The following ZNF471 variants were observed in gnomAD, a reference collection of about 807,000 sequenced individuals.
ZNF471 encodes zinc finger protein 471.
Under a neutral mutation model 13.7 loss-of-function variants are expected in ZNF471, and 7 were observed. That is an observed-to-expected ratio of 0.51 (90% CI 0.29 to 0.96). The LOEUF (loss-of-function observed/expected upper bound fraction) is 0.96, where lower values mean the gene tolerates loss of function less well. Among genes scored for constraint, ZNF471 ranks in the 40% least tolerant of loss-of-function variants. The pLI, the probability that ZNF471 is intolerant of heterozygous loss-of-function variation, is 0.08. For missense variants in ZNF471, 663 were observed against 743.3 expected, an observed-to-expected ratio of 0.89 and a Z score of 1.26; for synonymous variants, 218 against 235.6, an observed-to-expected ratio of 0.93 and a Z score of 0.68.
At chr19:56,513,830 C>T (rs1449049694) in intron 2 of ZNF471, among the ~76,000 whole-genome samples, 1 of 151,900 alleles carries the variant, frequency 6.6e-6, no homozygotes, top group Non-Finnish European at 1.5e-5. Context: ...ATGTCCTCCT[C>T]TTGAGAAGGT....
chr19:56,526,164 C>T lies in ZNF471; in HGVS notation c.*216C>T, dbSNP rs2044044166. On this transcript the variant is annotated 3_prime_UTR_variant, in exon 5 of 5. Coordinates refer to ENST00000308031, the MANE Select transcript of ZNF471 (RefSeq NM_020813.4). Reference sequence around the variant, plus strand: ...GCTTTCTGTATTTCCAGCTGAGGTACCTGGCTCATCTCATTGGGACTGGTT... The same window carrying T: ...GCTTTCTGTATTTCCAGCTGAGGTATCTGGCTCATCTCATTGGGACTGGTT... The T allele has an allele frequency of 8.0e-6, 4 of 501,060 alleles. No homozygotes were observed. Among genetic ancestry groups the T allele is most frequent in the Middle Eastern group, 1.0e-3 (2 of 1,910 alleles). 31.0% of individuals were successfully genotyped at this position (501,060 alleles called of 1,614,324 possible). A position where few individuals can be genotyped will look rare whatever the true frequency, so the allele number is the denominator to read the frequency against.
rs758777065 is a variant in ZNF471 at position 56,525,432 on chromosome 19, AGAGAAACCGTATGAATGCAAGGAATGT to A, written c.1367_1393del (p.Glu456_Cys464del). The stretch of plus-strand genomic sequence containing the variant: ...CTCAGCATCAAAGAGTACATTCTGG[AGAGAAACCGTATGAATGCAAGGAATGT>A]GGGAAAGCCTTTAGGCAGAATGTAC... On this transcript the variant is annotated inframe_deletion, in exon 5 of 5. Coordinates refer to ENST00000308031, the MANE Select transcript of ZNF471 (RefSeq NM_020813.4). 3.1e-6 allele frequency: 5 copies of A among 1,614,132 alleles called. No individual in the cohort carries two copies. The South Asian group carries it at 4.4e-5, about 14-fold the overall frequency.
In ZNF471 at chr19:56,508,176, C is replaced by T. The variant is rs1364741249; in HGVS notation, c.-56+256C>T. 3.5e-5 allele frequency: 34 copies of T among 984,602 alleles called. No individual in the cohort carries two copies. The highest frequency in any genetic ancestry group is 4.1e-5 in the Non-Finnish European group (34 of 829,728). 61.0% of individuals were successfully genotyped at this position (984,602 alleles called of 1,614,324 possible). A position where few individuals can be genotyped will look rare whatever the true frequency, so the allele number is the denominator to read the frequency against. ...GAGCTGTGGGAGAGATGGGGGTGTGCCTGTGTGTAAAAGATCTGTCAGAGT... is the reference window on the plus strand; with the variant it reads ...GAGCTGTGGGAGAGATGGGGGTGTGTCTGTGTGTAAAAGATCTGTCAGAGT... On this transcript the variant is annotated intron_variant, in intron 1 of 4. Transcript: ENST00000308031. The surrounding 1 kb of genome is among the most constrained non-coding windows in gnomAD (Gnocchi z 4.7).
chr19:56,520,509 C>T (rs1044041045), intron 4 of ZNF471, among the ~76,000 whole-genome samples: 1 of 152,196 alleles, frequency 6.6e-6, no homozygotes, highest in Non-Finnish European at 1.5e-5. Context: ...CCCCACATTG[C>T]CTCAATTCTT....
Position 56,526,000 on chromosome 19 carries a change from A to G in ZNF471, c.*52A>G. ...TAGTTATCACCAATCCCCTACTGTTAATCAGAGATGTCCCACTGGATAAAA... is the reference window on the plus strand; with the variant it reads ...TAGTTATCACCAATCCCCTACTGTTGATCAGAGATGTCCCACTGGATAAAA... On this transcript the variant is annotated 3_prime_UTR_variant, in exon 5 of 5. Coordinates refer to ENST00000308031, the MANE Select transcript of ZNF471 (RefSeq NM_020813.4). The G allele has an allele frequency of 6.8e-7, 1 of 1,462,222 alleles. No homozygotes were observed. Among genetic ancestry groups the G allele is most frequent in the Non-Finnish European group, 9.2e-7 (1 of 1,090,526 alleles). The allele number at this position is 1,462,222 out of a possible 1,614,324, so 90.6% of individuals were successfully genotyped here.
chr19:56,524,610 A>G lies in ZNF471; in HGVS notation c.543A>G (p.Thr181=), dbSNP rs141132478. 24 of 1,589,136 alleles carry G rather than the reference A, an allele frequency of 1.5e-5. 1 individual carries two copies. In the South Asian group the frequency reaches 1.9e-4, roughly 12 times the overall value. ...TAGAAGAGAGTATTTATAATCACAC[A>G]TCAGATAAAAAAAGCTTCTCCAAAA... ...ENIEESIYNH[T]SDKKSFSKNS... is the part of the protein sequence containing the mutation. Residue 181 remains threonine, a synonymous_variant, in exon 5 of 5, where the codon ACA becomes ACG. Transcript: ENST00000308031. This position sits in a 1 kb window ranked among gnomAD's most constrained non-coding sequence, Gnocchi z 4.8.
In ZNF471 at chr19:56,526,863, T is replaced by C. The variant is rs1326043225; in HGVS notation, c.*915T>C. 6.6e-6 allele frequency: 1 copy of C among 152,362 alleles called. No homozygotes were observed. Among genetic ancestry groups the C allele is most frequent in the Non-Finnish European group, 1.5e-5 (1 of 68,176 alleles). The allele number at this position is 152,362 out of a possible 1,614,324, so 9.4% of individuals were successfully genotyped here. On this transcript the variant is annotated 3_prime_UTR_variant, in exon 5 of 5. Transcript: ENST00000308031. ...AGTGCAGATAAAACCCTCATCTCCC[T>C]GGGACAAAGCACGTGGGGGAAAGGG...
In ZNF471 at chr19:56,518,523, C is replaced by G. The variant is rs941718297; in HGVS notation, c.202C>G (p.Gln68Glu). 6.2e-7 allele frequency: 1 copy of G among 1,613,550 alleles called. No homozygotes were observed. The highest frequency in any genetic ancestry group is 1.3e-5 in the African/African-American group (1 of 74,804). The change falls in exon 4 of 5, where the codon CAA becomes GAA. Residue 68 changes from glutamine (Q) to glutamate (E), a missense_variant. By Grantham distance (29) the Gln-to-Glu change is conservative. Coordinates refer to ENST00000308031, the MANE Select transcript of ZNF471 (RefSeq NM_020813.4). ...GCCATATGTGATCTCCTTATTGGAG[C>G]AAGGGAGAGAGCCTTGGGAGATGAC... Reference protein sequence around the residue: ...SKPYVISLLEQGREPWEMTSE... With the variant: ...SKPYVISLLEEGREPWEMTSE...
In ZNF471 at chr19:56,526,029, A is replaced by T. The variant is rs1166526369; in HGVS notation, c.*81A>T. 7.2e-7 allele frequency: 1 copy of T among 1,390,294 alleles called. No individual in the cohort carries two copies. Among genetic ancestry groups the T allele is most frequent in the East Asian group, 2.3e-5 (1 of 42,602 alleles). The allele number at this position is 1,390,294 out of a possible 1,614,324, so 86.1% of individuals were successfully genotyped here. A position where few individuals can be genotyped will look rare whatever the true frequency, so the allele number is the denominator to read the frequency against. On this transcript the variant is annotated 3_prime_UTR_variant, in exon 5 of 5. Transcript: ENST00000308031. ...AGAGATGTCCCACTGGATAAAAAAC[A>T]TATAAATGTAAGAAATGTAGAAAAA...
chr19:56,519,321 C>A (rs1206586085), intron 4 of ZNF471, among the ~76,000 whole-genome samples: 3 of 152,248 alleles, frequency 2.0e-5, no homozygotes, highest in Non-Finnish European at 4.4e-5. Context: ...TTTACTGACT[C>A]AGGCATATGC....
intron 4 of ZNF471, among the ~76,000 whole-genome samples, chr19:56,519,520 C>T (rs2043940076): frequency 6.6e-6 from 1 of 152,186 alleles, no homozygotes; most frequent in Non-Finnish European, 1.5e-5. Flanking sequence ...CTCAGGAAAG[C>T]CTACAATTAA....
chr19:56,518,376 T>C, intron 3 of ZNF471, 106 bp from the exon 4 acceptor site: 1 of 808,466 alleles, frequency 1.2e-6, no homozygotes, highest in Non-Finnish European at 2.0e-6. Flanking sequence ...CTTTATCTCT[T>C]ATCTAGTATT....
Position 56,508,290 on chromosome 19 carries a change from CGTGT to C in ZNF471, c.-56+374_-56+377del, listed in dbSNP as rs1244071583. 1 of 680,720 alleles carries C rather than the reference CGTGT, an allele frequency of 1.5e-6. No homozygotes were observed. The highest frequency in any genetic ancestry group is 1.3e-4 in the East Asian group (1 of 7,422). The allele number at this position is 680,720 out of a possible 1,614,324, so 42.2% of individuals were successfully genotyped here. On this transcript the variant is annotated intron_variant, in intron 1 of 4. Transcript: ENST00000308031. The surrounding 1 kb of genome is among the most constrained non-coding windows in gnomAD (Gnocchi z 4.7). Reference sequence around the variant, plus strand: ...GTCCAGTGTGAGACCAGGGTATGTTCGTGTGTGACAGAGCGAGACGGGCCAGTGT... The same window carrying C: ...GTCCAGTGTGAGACCAGGGTATGTTCGTGACAGAGCGAGACGGGCCAGTGT...
chr19:56,520,038 T>C (rs1162657878), intron 4 of ZNF471, among the ~76,000 whole-genome samples: 1 of 152,216 alleles, frequency 6.6e-6, no homozygotes, highest in Admixed American at 6.5e-5. Context: ...TCTTGAAATG[T>C]GTCCACTGTG....
rs185225564 is a variant in ZNF471, at chr19:56,522,366, C to T, written c.257-1958C>T. ...CTCTCCCATCTCTGAACTTTTATAACAATTTAATCTTTATCTCACACTTGA... is the reference window on the plus strand; with the variant it reads ...CTCTCCCATCTCTGAACTTTTATAATAATTTAATCTTTATCTCACACTTGA... On this transcript the variant is annotated intron_variant, in intron 4 of 4. Coordinates refer to ENST00000308031, the MANE Select transcript of ZNF471 (RefSeq NM_020813.4). The surrounding 1 kb of genome is among the most constrained non-coding windows in gnomAD (Gnocchi z 4.1). Among the ~76,000 whole-genome samples the T allele has an allele frequency of 2.2e-3, 335 of 152,318 alleles. 2 individuals are homozygous for T. The highest frequency in any genetic ancestry group is 7.6e-3 in the African/African-American group (316 of 41,578).
Position 56,508,248 on chromosome 19 carries a change from TGTGTGA to T in ZNF471, c.-56+329_-56+334del, listed in dbSNP as rs988739596. The T allele has an allele frequency of 9.3e-5, 84 of 904,982 alleles. No homozygotes were observed. Among genetic ancestry groups the T allele is most frequent in the South Asian group, 2.0e-4 (4 of 19,696 alleles). The allele number at this position is 904,982 out of a possible 1,614,324, so 56.1% of individuals were successfully genotyped here. A position where few individuals can be genotyped will look rare whatever the true frequency, so the allele number is the denominator to read the frequency against. On this transcript the variant is annotated intron_variant, in intron 1 of 4. Transcript: ENST00000308031. The surrounding 1 kb of genome is among the most constrained non-coding windows in gnomAD (Gnocchi z 4.7). ...TGGTTTCTGTGTGTGTGTGTGTGTG[TGTGTGA>T]CAGACCGAGAGTCCAGTGTGAGACC...
At chr19:56,523,967 G>A (rs774556940) in intron 4 of ZNF471, among the ~76,000 whole-genome samples, 1 of 152,074 alleles carries the variant, frequency 6.6e-6, no homozygotes, top group African/African-American at 2.4e-5. Flanking sequence ...GGGAATATAG[G>A]CATGTACCAC....
intron 1 of ZNF471, chr19:56,511,011 G>A (rs2043802573): frequency 3.0e-6 from 3 of 985,516 alleles, no homozygotes; most frequent in Non-Finnish European, 3.6e-6. Flanking sequence ...GTGGGTCAGG[G>A]ATGCAGTGGT....
At chr19:56,517,764 T>C (rs779070139) in intron 3 of ZNF471, among the ~76,000 whole-genome samples, 26 of 152,322 alleles carry the variant, frequency 1.7e-4, no homozygotes, top group Middle Eastern at 3.4e-3. Context: ...TTCTGTTGAT[T>C]CATAGTCAAA....
Sources: allele counts gnomAD v4.1 joint callset (sites outside exome capture counted in the v4.1 genomes callset), GRCh38; gene constraint gnomAD v4.1.1; non-coding constraint Gnocchi (gnomAD v3.1); transcripts MANE v1.5; gene names NCBI Gene and HGNC (gene_info 2026-07-23, HGNC 2026-07-21).